ZNF609: variants seen among roughly 807,000 people sequenced by gnomAD.
ZNF609 encodes zinc finger protein 609.
ZNF609 carries 11 observed loss-of-function variants against 109.5 expected under a neutral mutation model. That is an observed-to-expected ratio of 0.10 (90% CI 0.06 to 0.17). ZNF609 has a LOEUF of 0.17. Among genes scored for constraint, ZNF609 ranks in the 10% least tolerant of loss-of-function variants. ZNF609 has a pLI of 1.00. For synonymous variants in ZNF609, 646 were observed against 662.0 expected, an observed-to-expected ratio of 0.98 and a Z score of 0.37; for missense variants, 1,559 against 1,772.4, an observed-to-expected ratio of 0.88 and a Z score of 2.16.
intron 2 of ZNF609, among the ~76,000 whole-genome samples, chr15:64,613,735 A>G (rs1189635329): frequency 2.0e-5 from 3 of 151,844 alleles, no homozygotes; most frequent in African/African-American, 7.3e-5. Flanking sequence ...TATTTTTAGT[A>G]GAGACAAGGT....
chr15:64,644,318 C>T (rs974170822), intron 3 of ZNF609, among the ~76,000 whole-genome samples: 1 of 151,520 alleles, frequency 6.6e-6, no homozygotes, highest in Non-Finnish European at 1.5e-5. Context: ...GACCTCATCT[C>T]TACAAAAAAA....
intron 1 of ZNF609, among the ~76,000 whole-genome samples, chr15:64,492,445 C>T (rs1259959208): frequency 1.3e-5 from 2 of 151,980 alleles, no homozygotes; most frequent in Non-Finnish European, 2.9e-5. Flanking sequence ...CTTTAGATGC[C>T]TTGTGAAAGG....
chr15:64,549,103 T>C (rs900731961), intron 2 of ZNF609, among the ~76,000 whole-genome samples: 2 of 152,184 alleles, frequency 1.3e-5, no homozygotes, highest in African/African-American at 4.8e-5. Context: ...ATTTTCAAAA[T>C]GGTGAATCTA....
At chr15:64,670,240 A>G in intron 3 of ZNF609, 106 bp from the exon 4 acceptor site, 5 of 862,706 alleles carry the variant, frequency 5.8e-6, no homozygotes, top group Non-Finnish European at 7.8e-6. Flanking sequence ...TACCCAGAGT[A>G]CCTCCTAAAC....
At chr15:64,660,924 C>T (rs1207242475) in intron 3 of ZNF609, among the ~76,000 whole-genome samples, 1 of 152,032 alleles carries the variant, frequency 6.6e-6, no homozygotes. Flanking sequence ...TGTTTTTCTC[C>T]ATAGCTTATC....
intron 1 of ZNF609, among the ~76,000 whole-genome samples, chr15:64,487,073 G>A (rs1055189526): frequency 6.6e-6 from 1 of 151,640 alleles, no homozygotes; most frequent in Admixed American, 6.6e-5. Context: ...TTACATTTTT[G>A]GTGCAACTTT....
At chr15:64,569,288 A>T (rs981754477) in intron 2 of ZNF609, among the ~76,000 whole-genome samples, 1 of 152,152 alleles carries the variant, frequency 6.6e-6, no homozygotes, top group African/African-American at 2.4e-5. Context: ...CTCCTCTATT[A>T]TATAAGAGTA....
intron 2 of ZNF609, among the ~76,000 whole-genome samples, chr15:64,524,581 G>A (rs1358324957): frequency 6.6e-6 from 1 of 151,646 alleles, no homozygotes; most frequent in Admixed American, 6.6e-5. Flanking sequence ...AAAAAAAAGG[G>A]GGGGGCCTTT....
intron 2 of ZNF609, among the ~76,000 whole-genome samples, chr15:64,576,926 G>GTA (rs1567018959): frequency 8.8e-6 from 1 of 114,024 alleles, no homozygotes; most frequent in African/African-American, 3.1e-5. Context: ...ACATATATGT[G>GTA]TATATATACA....
chr15:64,464,968 G>A (rs1322795478), intron 1 of ZNF609, among the ~76,000 whole-genome samples: 1 of 152,202 alleles, frequency 6.6e-6, no homozygotes, highest in Non-Finnish European at 1.5e-5. Flanking sequence ...TGATTTGTTA[G>A]TAAGATGGTA....
At chr15:64,651,920 CTCAT>C (rs1896422525) in intron 3 of ZNF609, among the ~76,000 whole-genome samples, 6 of 152,104 alleles carry the variant, frequency 3.9e-5, no homozygotes, top group Admixed American at 2.6e-4. Context: ...CTCTCACTAT[CTCAT>C]TAACCAGTGT....
chr15:64,498,456 A>G (rs1173705586), intron 1 of ZNF609, among the ~76,000 whole-genome samples: 1 of 152,248 alleles, frequency 6.6e-6, no homozygotes, highest in African/African-American at 2.4e-5. Flanking sequence ...CATCAGTATT[A>G]CATGAGAAAG....
intron 2 of ZNF609, among the ~76,000 whole-genome samples, chr15:64,545,559 G>C (rs968879700): frequency 6.6e-6 from 1 of 152,136 alleles, no homozygotes; most frequent in African/African-American, 2.4e-5. Flanking sequence ...CACTGATTAT[G>C]AGTGTACAGA....
At chr15:64,642,759 A>C (rs1320496457) in intron 3 of ZNF609, among the ~76,000 whole-genome samples, 1 of 152,148 alleles carries the variant, frequency 6.6e-6, no homozygotes, top group Admixed American at 6.5e-5. Context: ...GTGCCACTGC[A>C]CTCTAGCCTG....
At chr15:64,660,513 G>A (rs1220529040) in intron 3 of ZNF609, among the ~76,000 whole-genome samples, 1 of 152,190 alleles carries the variant, frequency 6.6e-6, no homozygotes, top group Non-Finnish European at 1.5e-5. Context: ...TACTATAAGA[G>A]TTGAGAAGTT....
At chr15:64,673,839 CT>C (rs1896768904) in intron 4 of ZNF609, 76 bp from the exon 5 acceptor site, 2 of 1,481,108 alleles carry the variant, frequency 1.4e-6, no homozygotes, top group Middle Eastern at 2.2e-4. Flanking sequence ...CTGGACAGTT[CT>C]GGAGGCTACA....
chr15:64,511,987 A>C (rs1377197980), intron 2 of ZNF609, among the ~76,000 whole-genome samples: 1 of 151,554 alleles, frequency 6.6e-6, no homozygotes, highest in African/African-American at 2.4e-5. Flanking sequence ...TGCTGGGATT[A>C]CAGGCATGAG....
At chr15:64,480,020 T>G (rs879400267) in intron 1 of ZNF609, among the ~76,000 whole-genome samples, 5 of 150,682 alleles carry the variant, frequency 3.3e-5, no homozygotes, top group Admixed American at 3.3e-4. Flanking sequence ...CAGATCACCC[T>G]GAAGTCAGAA....
intron 1 of ZNF609, among the ~76,000 whole-genome samples, chr15:64,473,774 T>G (rs1233338418): frequency 6.6e-6 from 1 of 151,824 alleles, no homozygotes; most frequent in East Asian, 1.9e-4. Context: ...CCCAGCTAAT[T>G]TTTGTATTTT....
Sources: allele counts gnomAD v4.1 joint callset (sites outside exome capture counted in the v4.1 genomes callset), GRCh38; gene constraint gnomAD v4.1.1; transcripts MANE v1.5; gene names NCBI Gene and HGNC (gene_info 2026-07-23, HGNC 2026-07-21).